Variants in LRRC8D observed in about 807,000 individuals in gnomAD.
LRRC8D encodes the protein leucine rich repeat containing 8 VRAC subunit D, also known as volume-regulated anion channel subunit LRRC8D.
In LRRC8D, 20 loss-of-function variants were observed where a neutral mutation model predicts 55.8. The observed-to-expected ratio is 0.36, with a 90% CI of 0.25 to 0.52. The LOEUF (loss-of-function observed/expected upper bound fraction) is 0.52. Among genes scored for constraint, LRRC8D ranks in the 20% least tolerant of loss-of-function variants. LRRC8D has a pLI of 0.93. For synonymous variants in LRRC8D, 352 were observed against 377.0 expected, an observed-to-expected ratio of 0.93 and a Z score of 0.77; for missense variants, 651 against 1,030.8, an observed-to-expected ratio of 0.63 and a Z score of 5.05.
At chr1:89,903,252 A>G (rs1205990959) in intron 2 of LRRC8D, among the ~76,000 whole-genome samples, 3 of 151,818 alleles carry the variant, frequency 2.0e-5, no homozygotes, top group Non-Finnish European at 1.5e-5. Context: ...AAGTAGTAGC[A>G]CTCTCCATTT....
chr1:89,849,191 A>G (rs147409330), intron 2 of LRRC8D, among the ~76,000 whole-genome samples: 76 of 152,280 alleles, frequency 5.0e-4, no homozygotes, highest in African/African-American at 1.7e-3. Flanking sequence ...AGTCTTACCT[A>G]CCCTTTCAGC....
chr1:89,933,467 T>C lies in LRRC8D; in HGVS notation c.399T>C (p.Asp133=), dbSNP rs996912747. 9.9e-6 allele frequency: 16 copies of C among 1,614,134 alleles called. No homozygotes were observed. Among genetic ancestry groups the C allele is most frequent in the Non-Finnish European group, 1.2e-5 (14 of 1,180,026 alleles). ...AGGAGGCAAAGAAAGAGAAGAAAGATCCAACAGGTCGAAAAACAAACTTGG... is the reference window on the plus strand; with the variant it reads ...AGGAGGCAAAGAAAGAGAAGAAAGACCCAACAGGTCGAAAAACAAACTTGG... ...PNQEAKKEKK[D]PTGRKTNLDF... The change falls in exon 3 of 3, where the codon GAT becomes GAC. Residue 133 remains aspartate (D), a synonymous_variant. Coordinates refer to ENST00000337338, the MANE Select transcript of LRRC8D (RefSeq NM_001134479.2). The surrounding 1 kb of genome is among the most constrained non-coding windows in gnomAD (Gnocchi z 7.0).
chr1:89,899,818 C>T (rs982160787), intron 2 of LRRC8D, among the ~76,000 whole-genome samples: 2 of 152,202 alleles, frequency 1.3e-5, no homozygotes, highest in Non-Finnish European at 2.9e-5. Flanking sequence ...TGAAACCTTT[C>T]TGAGCTTGTT....
Position 89,934,611 on chromosome 1 carries a change from C to A in LRRC8D, c.1543C>A (p.Leu515Ile). ...TGCTAAGATTTCTCAAATGACTAAC[C>A]TCCAAGAGCTCCACCTCTGCCACTG... ...IPAKISQMTN[L>I]QELHLCHCPA... Residue 515 changes from leucine (L) to isoleucine (I), a missense_variant, in exon 3 of 3, where the codon CTC (leucine) becomes ATC (isoleucine). By Grantham distance (5) the Leu-to-Ile change is conservative. Coordinates refer to ENST00000337338, the MANE Select transcript of LRRC8D (RefSeq NM_001134479.2). The surrounding 1 kb of genome is among the most constrained non-coding windows in gnomAD (Gnocchi z 5.9). The A allele has an allele frequency of 6.2e-7, 1 of 1,614,170 alleles. No individual in the cohort carries two copies. The highest frequency in any genetic ancestry group is 8.5e-7 in the Non-Finnish European group (1 of 1,180,038).
intron 2 of LRRC8D, among the ~76,000 whole-genome samples, chr1:89,888,195 G>A (rs898734047): frequency 3.9e-5 from 6 of 152,136 alleles, no homozygotes; most frequent in African/African-American, 9.7e-5. Flanking sequence ...AAGGGTTACC[G>A]ACTTAAATAA....
intron 2 of LRRC8D, among the ~76,000 whole-genome samples, chr1:89,894,727 A>G (rs1662663575): frequency 6.6e-6 from 1 of 152,242 alleles, no homozygotes; most frequent in Non-Finnish European, 1.5e-5. Context: ...TATGCTTACT[A>G]TTATTGGAAT....
At position 89,909,663 on chromosome 1, in the gene LRRC8D, G is replaced by A. The variant is rs190255028; in HGVS notation, c.-2-23404G>A. Among the ~76,000 whole-genome samples, 570 of 151,968 alleles carry A rather than the reference G, an allele frequency of 3.8e-3. 4 individuals are homozygous for A. Among genetic ancestry groups the A allele is most frequent in the Non-Finnish European group, 5.9e-3 (399 of 67,950 alleles). Reference sequence around the variant, plus strand: ...GGGCGGATCATGAGGTCAGGAGATCGAGACCATCCTGGCTAACACGGTGAA... The same window carrying A: ...GGGCGGATCATGAGGTCAGGAGATCAAGACCATCCTGGCTAACACGGTGAA... On this transcript the variant is annotated intron_variant, in intron 2 of 2. Transcript: ENST00000337338.
intron 2 of LRRC8D, among the ~76,000 whole-genome samples, chr1:89,895,997 C>A (rs1163675197): frequency 6.6e-6 from 1 of 152,200 alleles, no homozygotes; most frequent in African/African-American, 2.4e-5. Context: ...GCGTTAGAAC[C>A]TTTATTAGAC....
intron 1 of LRRC8D, among the ~76,000 whole-genome samples, chr1:89,837,667 A>G (rs543656366): frequency 1.2e-4 from 19 of 152,364 alleles, no homozygotes; most frequent in African/African-American, 4.6e-4. Flanking sequence ...GTGTTAATAC[A>G]TGTAAAGTGC....
chr1:89,866,791 G>A (rs1208182034), intron 2 of LRRC8D, among the ~76,000 whole-genome samples: 1 of 152,176 alleles, frequency 6.6e-6, no homozygotes, highest in Non-Finnish European at 1.5e-5. Context: ...GGAGCATGGA[G>A]AATACACACC....
chr1:89,833,485 T>G (rs534612412), intron 1 of LRRC8D, among the ~76,000 whole-genome samples: 1 of 152,322 alleles, frequency 6.6e-6, no homozygotes, highest in Non-Finnish European at 1.5e-5. Flanking sequence ...AGAGCACTTT[T>G]TAAATTGCTT....
At chr1:89,915,106 G>A (rs1445593826) in intron 2 of LRRC8D, among the ~76,000 whole-genome samples, 3 of 151,896 alleles carry the variant, frequency 2.0e-5, no homozygotes, top group Admixed American at 6.6e-5. Context: ...CTAAACATTT[G>A]AAAATGTAAA....
At chr1:89,861,151 T>C (rs1283489778) in intron 2 of LRRC8D, among the ~76,000 whole-genome samples, 1 of 152,068 alleles carries the variant, frequency 6.6e-6, no homozygotes, top group African/African-American at 2.4e-5. Context: ...GCAGAGATGC[T>C]CTCTAAGGTT....
chr1:89,933,460 A>G lies in LRRC8D; in HGVS notation c.392A>G (p.Lys131Arg), dbSNP rs1331867942. 5.0e-6 allele frequency: 8 copies of G among 1,614,186 alleles called. No homozygotes were observed. The South Asian group carries it at 5.5e-5, about 11-fold the overall frequency. The change falls in exon 3 of 3, where the codon AAG (lysine) becomes AGG (arginine). Residue 131 changes from lysine (K) to arginine (R), a missense_variant. Lys to Arg is a conservative substitution (Grantham distance 26). Around this residue, in one of 5 missense-constraint regions of LRRC8D, gnomAD observed 118 missense variants for 138.0 expected, o/e 0.85. Transcript: ENST00000337338. This position sits in a 1 kb window ranked among gnomAD's most constrained non-coding sequence, Gnocchi z 7.0. ...CCAAATCAGGAGGCAAAGAAAGAGA[A>G]GAAAGATCCAACAGGTCGAAAAACA... ...ALPNQEAKKE[K>R]KDPTGRKTNL... is the part of the protein sequence containing the mutation.
At position 89,934,286 on chromosome 1, in the gene LRRC8D, T is replaced by C. The variant is rs1247261316; in HGVS notation, c.1218T>C (p.Phe406=). ...SFEKVREESS[F]SDIPDVKNDF... ...AAAAAGTCAGAGAAGAGAGCAGTTT[T>C]AGTGACATTCCAGATGTCAAAAACG... Residue 406 remains phenylalanine, a synonymous_variant, in exon 3 of 3, where the codon TTT becomes TTC. Transcript: ENST00000337338. The surrounding 1 kb of genome is among the most constrained non-coding windows in gnomAD (Gnocchi z 5.9). 6.2e-7 allele frequency: 1 copy of C among 1,614,210 alleles called. No homozygotes were observed. The highest frequency in any genetic ancestry group is 1.7e-5 in the Admixed American group (1 of 60,028).
chr1:89,841,360 A>AGT (rs1249996331), intron 1 of LRRC8D, among the ~76,000 whole-genome samples: 1 of 150,966 alleles, frequency 6.6e-6, no homozygotes, highest in African/African-American at 2.4e-5. Context: ...GGTGAGGTGT[A>AGT]GTTCATCGTC....
intron 2 of LRRC8D, among the ~76,000 whole-genome samples, chr1:89,920,371 C>CT (rs1466395233): frequency 6.6e-6 from 1 of 151,920 alleles, no homozygotes; most frequent in African/African-American, 2.4e-5. Flanking sequence ...TTATAAAAAG[C>CT]TTTTGGTGGT....
intron 2 of LRRC8D, among the ~76,000 whole-genome samples, chr1:89,930,413 CAA>C (rs1663674887): frequency 6.6e-6 from 1 of 152,018 alleles, no homozygotes; most frequent in Admixed American, 6.6e-5. Flanking sequence ...AGGCTGGTCT[CAA>C]ACTCCGCCTC....
At chr1:89,878,763 C>T (rs1209767055) in intron 2 of LRRC8D, among the ~76,000 whole-genome samples, 2 of 151,864 alleles carry the variant, frequency 1.3e-5, no homozygotes, top group Non-Finnish European at 2.9e-5. Flanking sequence ...GTTAGGAGTT[C>T]GAGACCAGCC....
Sources: gnomAD v4.1 joint callset for allele counts (sites outside exome capture counted in the v4.1 genomes callset) on GRCh38, gnomAD v4.1.1 for gene constraint, gnomAD v4.1.1 regional missense constraint, Gnocchi (gnomAD v3.1) non-coding constraint, MANE v1.5 for transcripts, NCBI Gene and HGNC (gene_info 2026-07-23, HGNC 2026-07-21) for gene names.